CLN6: variants seen among roughly 807,000 people sequenced by gnomAD.
The protein encoded by CLN6 is CLN6 transmembrane ER protein, also known as ceroid-lipofuscinosis neuronal protein 6.
A neutral mutation model predicts 33.3 loss-of-function variants in CLN6; 22 were observed. That is an observed-to-expected ratio of 0.66 (90% confidence interval 0.47 to 0.94). The LOEUF (loss-of-function observed/expected upper bound fraction) is 0.94. Ranked by LOEUF, CLN6 falls within the 40% of genes least tolerant of loss-of-function variation. The pLI, the probability that CLN6 is intolerant of heterozygous loss-of-function variation, is 0.00. For synonymous variants in CLN6, 201 were observed against 174.6 expected (o/e 1.15, Z -1.19); for missense variants, 387 against 417.1 (o/e 0.93, Z 0.63).
chr15:68,213,235 T>C (rs749029239), intron 3 of CLN6: 5 of 151,654 alleles, frequency 3.3e-5, no homozygotes, highest in Non-Finnish European at 7.4e-5. Context: ...GTTTTTTGTA[T>C]TTTTTTCTTT....
upstream of CLN6, chr15:68,229,768 GCGGA>G: frequency 3.4e-6 from 1 of 290,158 alleles, no homozygotes; most frequent in African/African-American, 4.3e-5. Context: ...GCGGAGCGGA[GCGGA>G]GCGGAGGGAG....
chr15:68,237,534 C>T (rs1892233191), intron 1 of CLN6, among the ~76,000 whole-genome samples: 1 of 152,166 alleles, frequency 6.6e-6, no homozygotes, highest in African/African-American at 2.4e-5. Context: ...ACTCAGTGGA[C>T]AGGCTAAACT....
At chr15:68,226,276 G>A (rs1422392741) in intron 1 of CLN6, among the ~76,000 whole-genome samples, 1 of 145,004 alleles carries the variant, frequency 6.9e-6, no homozygotes, top group Non-Finnish European at 1.5e-5. Context: ...CTGAGATCAT[G>A]CCACTGCACT....
chr15:68,238,457 C>G (rs1482183601), intron 1 of CLN6, among the ~76,000 whole-genome samples: 4 of 151,224 alleles, frequency 2.6e-5, no homozygotes, highest in African/African-American at 4.9e-5. Flanking sequence ...AGAGAAACCA[C>G]AAAGCTCCAA....
Position 68,219,655 on chromosome 15 carries a change from C to T in CLN6, c.84-1005G>A, listed in dbSNP as rs1384279225. 6.6e-6 allele frequency among the ~76,000 whole-genome samples: 1 copy of T among 152,206 alleles called. No individual in the cohort carries two copies. The highest frequency in any genetic ancestry group is 1.5e-5 in the Non-Finnish European group (1 of 68,032). ...GCATTTCAACGCCAACCCAGTCTGG[C>T]ATAATGGGGCTGGAGCTGTACTCTC... is the stretch of plus-strand genomic sequence containing the variant. On this transcript the variant is annotated intron_variant, in intron 1 of 6. Coordinates refer to ENST00000249806, the MANE Select transcript of CLN6 (RefSeq NM_017882.3). This position sits in a 1 kb window ranked among gnomAD's most constrained non-coding sequence, Gnocchi z 4.2.
chr15:68,224,962 G>A (rs1761943265), intron 1 of CLN6, among the ~76,000 whole-genome samples: 1 of 152,158 alleles, frequency 6.6e-6, no homozygotes, highest in Admixed American at 6.5e-5. Context: ...GTTGAGGAGT[G>A]CATGCCATAC....
chr15:68,240,012 GT>G (rs1240911243), intron 1 of CLN6, among the ~76,000 whole-genome samples: 1 of 152,128 alleles, frequency 6.6e-6, no homozygotes, highest in Non-Finnish European at 1.5e-5. Flanking sequence ...TAAATAACTT[GT>G]AAGTCAAGTA....
At chr15:68,217,584 C>T (rs1344314509) in intron 2 of CLN6, among the ~76,000 whole-genome samples, 3 of 152,192 alleles carry the variant, frequency 2.0e-5, no homozygotes, top group Non-Finnish European at 2.9e-5. Flanking sequence ...GTGCCAGTTT[C>T]AGCACTGGAT....
At chr15:68,216,734 G>A (rs1381569662) in intron 2 of CLN6, among the ~76,000 whole-genome samples, 1 of 152,172 alleles carries the variant, frequency 6.6e-6, no homozygotes, top group Non-Finnish European at 1.5e-5. Context: ...CTAAGGTTTG[G>A]CTATCATAAA....
At chr15:68,213,595 T>G (rs1416067317) in intron 3 of CLN6, 3 of 152,294 alleles carry the variant, frequency 2.0e-5, no homozygotes, top group Non-Finnish European at 4.4e-5. Flanking sequence ...GCCAGGCTCC[T>G]GACCTCAAGT....
At chr15:68,255,324 G>A (rs941039339) in intron 1 of CLN6, among the ~76,000 whole-genome samples, 1 of 151,976 alleles carries the variant, frequency 6.6e-6, no homozygotes, top group Admixed American at 6.5e-5. Context: ...CCAATAATTG[G>A]TTACTGGTGT....
In CLN6 at chr15:68,208,556, G is replaced by T; in HGVS notation, c.666-146C>A. On this transcript the variant is annotated intron_variant, in intron 6 of 6. Transcript: ENST00000249806. This position sits in a 1 kb window ranked among gnomAD's most constrained non-coding sequence, Gnocchi z 5.8. Reference sequence around the variant, plus strand: ...GGCTCAGAGAACTATGCCGCTCTAAGCCACAGCCCATGGGCAGCATATTGA... The same window carrying T: ...GGCTCAGAGAACTATGCCGCTCTAATCCACAGCCCATGGGCAGCATATTGA... The T allele has an allele frequency of 1.3e-6, 1 of 797,218 alleles. No homozygotes were observed. Among genetic ancestry groups the T allele is most frequent in the Non-Finnish European group, 2.1e-6 (1 of 486,256 alleles). The allele number at this position is 797,218 out of a possible 1,614,324, so 49.4% of individuals were successfully genotyped here. A position where few individuals can be genotyped will look rare whatever the true frequency, so the allele number is the denominator to read the frequency against.
intron 1 of CLN6, among the ~76,000 whole-genome samples, chr15:68,239,826 A>C (rs1892265681): frequency 6.6e-6 from 1 of 152,206 alleles, no homozygotes; most frequent in African/African-American, 2.4e-5. Flanking sequence ...ATTTTTAAAA[A>C]TTGACCATAT....
At chr15:68,223,423 C>A (rs1381170990) in intron 1 of CLN6, among the ~76,000 whole-genome samples, 2 of 152,144 alleles carry the variant, frequency 1.3e-5, no homozygotes, top group African/African-American at 2.4e-5. Flanking sequence ...GAGGCCCCAC[C>A]CAGCTCCTTC....
At chr15:68,223,216 G>C (rs1175711816) in intron 1 of CLN6, among the ~76,000 whole-genome samples, 5 of 152,172 alleles carry the variant, frequency 3.3e-5, no homozygotes, top group East Asian at 1.9e-4. Context: ...ACGGATGGAT[G>C]AATCTAACTA....
At chr15:68,250,612 G>A (rs1317145647) in intron 1 of CLN6, among the ~76,000 whole-genome samples, 5 of 138,478 alleles carry the variant, frequency 3.6e-5, no homozygotes, top group Middle Eastern at 4.7e-3. Flanking sequence ...GCGACAGAGC[G>A]AGACTCTGTC....
At chr15:68,235,424 G>C (rs1892209778) in intron 1 of CLN6, among the ~76,000 whole-genome samples, 1 of 152,012 alleles carries the variant, frequency 6.6e-6, no homozygotes. Flanking sequence ...GCTCTGTATA[G>C]TCAAATTGTG....
rs139541206 is a variant in CLN6 at position 68,245,094 on chromosome 15, A to G, written c.179+11596T>C. ...AAAAATATGTGAATTGAGACAACAA[A>G]TAGTCAAAATGTGGGGAGATGGAGT... On this transcript the variant is annotated intron_variant, in intron 1 of 6. Transcript: ENST00000538696. 4.0e-4 allele frequency among the ~76,000 whole-genome samples: 60 copies of G among 151,254 alleles called. 1 individual carries two copies. In the East Asian group the frequency reaches 9.1e-3, roughly 23 times the overall value.
At chr15:68,232,294 A>C (rs537159540), upstream of CLN6, among the ~76,000 whole-genome samples, 9 of 151,782 alleles carry the variant, frequency 5.9e-5, no homozygotes, top group African/African-American at 2.2e-4. This position sits in a 1 kb window ranked among gnomAD's most constrained non-coding sequence, Gnocchi z 4.7. Context: ...AGTAGCTGGG[A>C]CTACAGGCAT....
Sources: gnomAD v4.1 joint callset for allele counts (sites outside exome capture counted in the v4.1 genomes callset) on GRCh38, gnomAD v4.1.1 for gene constraint, Gnocchi (gnomAD v3.1) non-coding constraint, MANE v1.5 for transcripts, NCBI Gene and HGNC (gene_info 2026-07-23, HGNC 2026-07-21) for gene names.